The following HHLA1 variants were observed in gnomAD, a reference collection of about 807,000 sequenced individuals.
HHLA1 encodes HERV-H LTR-associating protein 1.
Under a neutral mutation model 69.9 loss-of-function variants are expected in HHLA1, and 72 were observed. That is an observed-to-expected ratio of 1.03 (90% CI 0.85 to 1.25). The LOEUF (loss-of-function observed/expected upper bound fraction) is 1.25, where lower values mean the gene tolerates loss of function less well. HHLA1 is among the 50% of genes most tolerant of loss of function. The pLI is 0.00. For missense variants in HHLA1, 685 were observed against 642.2 expected, an observed-to-expected ratio of 1.07 and a Z score of -0.72; for synonymous variants, 252 against 233.2, an observed-to-expected ratio of 1.08 and a Z score of -0.73.
intron 7 of HHLA1, among the ~76,000 whole-genome samples, chr8:132,091,466 A>G (rs1485230244): frequency 1.3e-5 from 2 of 152,208 alleles, no homozygotes; most frequent in Non-Finnish European, 2.9e-5. Flanking sequence ...TATTCCCGGT[A>G]TTCTTACCAC....
chr8:132,087,760 G>A, intron 9 of HHLA1, 21 bp from the exon 10 acceptor site: 2 of 1,546,456 alleles, frequency 1.3e-6, no homozygotes, highest in Non-Finnish European at 1.8e-6. Context: ...CACACCAACA[G>A]GGTCAGATCT....
Position 132,095,558 on chromosome 8 carries a change from A to C in HHLA1, c.409T>G (p.Tyr137Asp). The C allele has an allele frequency of 1.3e-6, 2 of 1,550,540 alleles. No homozygotes were observed. The highest frequency in any genetic ancestry group is 1.7e-6 in the Non-Finnish European group (2 of 1,145,792). The change falls in exon 7 of 17, where the codon TAT becomes GAT. Residue 137 changes from tyrosine to aspartate, a missense_variant. Coordinates refer to ENST00000414222, the MANE Select transcript of HHLA1 (RefSeq NM_001145095.3). ...GTCCGATTGTTTAAACAGTAGCAATACCTTGTGGGGAATTTGGCGGGGTCT... is the reference window on the plus strand; with the variant it reads ...GTCCGATTGTTTAAACAGTAGCAATCCCTTGTGGGGAATTTGGCGGGGTCT... ...TVDPAKFPTR[Y>D]CYCLNNRTND...
intron 14 of HHLA1, among the ~76,000 whole-genome samples, chr8:132,074,479 C>T (rs1398197673): frequency 1.3e-5 from 2 of 152,148 alleles, no homozygotes; most frequent in East Asian, 3.8e-4. Flanking sequence ...ATTACCTCTC[C>T]TGCAGAATTA....
At chr8:132,089,717 G>A in intron 7 of HHLA1, 118 bp from the exon 8 acceptor site, 1 of 656,400 alleles carries the variant, frequency 1.5e-6, no homozygotes, top group Non-Finnish European at 2.8e-6. Flanking sequence ...AGTGTATTGA[G>A]GAATATCAAC....
At chr8:132,100,234 G>A (rs1370567) in intron 3 of HHLA1, 100 bp from the exon 4 acceptor site, 19,700 of 815,788 alleles carry the variant, frequency 0.024, 433 homozygotes, top group African/African-American at 0.091. Context: ...TCTGCTCTCC[G>A]TGTGAGAGTC....
chr8:132,085,987 G>A (rs1270677329), intron 10 of HHLA1, among the ~76,000 whole-genome samples: 4 of 152,056 alleles, frequency 2.6e-5, no homozygotes, highest in South Asian at 4.2e-4. Flanking sequence ...CTTGGCTTGG[G>A]CTCAGAGGCC....
At chr8:132,091,580 CA>C (rs1280287603) in intron 7 of HHLA1, among the ~76,000 whole-genome samples, 1 of 152,166 alleles carries the variant, frequency 6.6e-6, no homozygotes, top group African/African-American at 2.4e-5. Context: ...ATTATTAACT[CA>C]AAGATATTCT....
At chr8:132,083,680 G>A (rs1215369711) in intron 10 of HHLA1, among the ~76,000 whole-genome samples, 1 of 152,202 alleles carries the variant, frequency 6.6e-6, no homozygotes, top group Non-Finnish European at 1.5e-5. Context: ...TGGCCCAGTG[G>A]CCAGATTTCC....
intron 6 of HHLA1, 21 bp from the exon 7 acceptor site, chr8:132,095,623 A>G (rs1437549361): frequency 2.0e-6 from 3 of 1,536,174 alleles, no homozygotes; most frequent in Non-Finnish European, 2.6e-6. Flanking sequence ...AAAGGATTCA[A>G]CAGAGATCCT....
chr8:132,109,297 A>T (rs1336372229), intron 1 of HHLA1, among the ~76,000 whole-genome samples: 6 of 152,186 alleles, frequency 3.9e-5, no homozygotes, highest in Admixed American at 3.9e-4. Context: ...GCGTTGGAGG[A>T]CTGCCTAGGT....
intron 16 of HHLA1, among the ~76,000 whole-genome samples, chr8:132,064,525 G>A (rs750069030): frequency 7.2e-5 from 11 of 152,062 alleles, no homozygotes; most frequent in Non-Finnish European, 1.3e-4. Flanking sequence ...CACTCCTAAT[G>A]CCTATATATT....
At chr8:132,079,423 T>C (rs77794492) in intron 11 of HHLA1, among the ~76,000 whole-genome samples, 1,701 of 152,336 alleles carry the variant, frequency 0.011, 34 homozygotes, top group African/African-American at 0.039. Flanking sequence ...GGGTGAAGGG[T>C]ACCAGGGAAC....
At chr8:132,102,804 T>C (rs1320692491) in intron 3 of HHLA1, among the ~76,000 whole-genome samples, 5 of 7,404 alleles carry the variant, frequency 6.8e-4, no homozygotes, top group Non-Finnish European at 2.9e-3. Flanking sequence ...TTTTTTTTTT[T>C]TTTTTTTTTT....
At chr8:132,071,220 C>G (rs1225215833) in intron 15 of HHLA1, 120 bp downstream of exon 15, 1 of 783,388 alleles carries the variant, frequency 1.3e-6, no homozygotes. Context: ...CTTGAGGTAA[C>G]CCCTACTGCC....
rs1293419372 is a variant in HHLA1, at chr8:132,104,094, T to A, written c.139+14A>T. 3 of 1,545,712 alleles carry A rather than the reference T, an allele frequency of 1.9e-6. No individual in the cohort carries two copies. Among genetic ancestry groups the A allele is most frequent in the Non-Finnish European group, 2.6e-6 (3 of 1,141,546 alleles). On this transcript the variant is annotated intron_variant, in intron 3 of 16. Coordinates refer to ENST00000414222, the MANE Select transcript of HHLA1 (RefSeq NM_001145095.3). ...GAACAGTGAGCTGAAAAGGAGCCCT[T>A]ATCACCCACTTACCTGTTGTAGGTA...
chr8:132,083,874 G>T (rs1823809944), intron 10 of HHLA1, among the ~76,000 whole-genome samples: 1 of 152,174 alleles, frequency 6.6e-6, no homozygotes, highest in Admixed American at 6.6e-5. Flanking sequence ...AAATCCTGTT[G>T]TGGGGTTTGA....
intron 10 of HHLA1, among the ~76,000 whole-genome samples, chr8:132,081,719 C>CT (rs1489026165): frequency 5.8e-4 from 88 of 152,282 alleles, no homozygotes; most frequent in Non-Finnish European, 1.0e-3. Flanking sequence ...AGTTATCTGA[C>CT]TCAGGGCATG....
At chr8:132,085,558 G>A (rs1020883979) in intron 10 of HHLA1, 14 of 275,356 alleles carry the variant, frequency 5.1e-5, no homozygotes, top group East Asian at 1.4e-4. Flanking sequence ...AATTTCATGC[G>A]CGTCCGTGTG....
At chr8:132,089,869 A>G (rs1282429771) in intron 7 of HHLA1, among the ~76,000 whole-genome samples, 1 of 152,090 alleles carries the variant, frequency 6.6e-6, no homozygotes, top group Non-Finnish European at 1.5e-5. Context: ...AACATCTAAG[A>G]GCTATGAAGG....
Sources: gnomAD v4.1 joint callset for allele counts (sites outside exome capture counted in the v4.1 genomes callset) on GRCh38, gnomAD v4.1.1 for gene constraint, MANE v1.5 for transcripts, NCBI Gene and HGNC (gene_info 2026-07-23, HGNC 2026-07-21) for gene names.